USP4: variants seen among roughly 807,000 people sequenced by gnomAD.
USP4 encodes ubiquitin carboxyl-terminal hydrolase 4.
USP4 carries 72 observed loss-of-function variants against 118.2 expected under a neutral mutation model. The ratio of observed to expected loss-of-function variants is 0.61; its 90% CI spans 0.50 to 0.74. The LOEUF (loss-of-function observed/expected upper bound fraction) is 0.74, where lower values mean the gene tolerates loss of function less well. Among genes scored for constraint, USP4 ranks in the 30% least tolerant of loss-of-function variants. USP4 has a pLI of 0.00. For missense variants in USP4, 1,037 were observed against 1,185.7 expected, an observed-to-expected ratio of 0.87 and a Z score of 1.84; for synonymous variants, 415 against 440.4, an observed-to-expected ratio of 0.94 and a Z score of 0.72.
chr3:49,312,047 C>T (rs2047388108), intron 6 of USP4: 1 of 271,174 alleles, frequency 3.7e-6, no homozygotes, highest in Non-Finnish European at 6.2e-6. Context: ...AGCCAGGTCG[C>T]GCGTGGTGGC....
intron 21 of USP4, 124 bp from the exon 22 acceptor site, chr3:49,278,575 C>A: frequency 8.2e-7 from 1 of 1,223,312 alleles, no homozygotes; most frequent in Non-Finnish European, 1.1e-6. Context: ...GACCCTTCCA[C>A]CTGAGGATGG....
chr3:49,294,290 A>G (rs750823923), intron 14 of USP4, 117 bp downstream of exon 14: 18 of 1,188,108 alleles, frequency 1.5e-5, no homozygotes, highest in African/African-American at 7.7e-5. Flanking sequence ...CGGCAAATGC[A>G]TTTCTTACAG....
intron 11 of USP4, among the ~76,000 whole-genome samples, chr3:49,299,881 C>G (rs2047247615): frequency 6.6e-6 from 1 of 152,126 alleles, no homozygotes; most frequent in Admixed American, 6.6e-5. Context: ...GCTTCTGGTT[C>G]CCCAACATTC....
At chr3:49,296,476 T>C (rs1171209087) in intron 13 of USP4, among the ~76,000 whole-genome samples, 1 of 151,280 alleles carries the variant, frequency 6.6e-6, no homozygotes, top group African/African-American at 2.4e-5. Flanking sequence ...GGTGAAGCCC[T>C]GGCTCTACTA....
chr3:49,295,403 T>C (rs1189768291), intron 13 of USP4, among the ~76,000 whole-genome samples: 2 of 148,394 alleles, frequency 1.3e-5, no homozygotes, highest in Non-Finnish European at 3.0e-5. Context: ...TTTTTCCAAA[T>C]GAGCAAGCAA....
chr3:49,305,312 T>G (rs1340280250), intron 9 of USP4, among the ~76,000 whole-genome samples: 1 of 146,976 alleles, frequency 6.8e-6, no homozygotes, highest in African/African-American at 2.5e-5. Flanking sequence ...TCTCCTGACC[T>G]TGTGATCCGC....
At chr3:49,279,849 A>T (rs1196612973) in intron 20 of USP4, among the ~76,000 whole-genome samples, 1 of 152,194 alleles carries the variant, frequency 6.6e-6, no homozygotes, top group East Asian at 1.9e-4. Flanking sequence ...TTCAATTTTG[A>T]AGTTCCAACT....
intron 6 of USP4, chr3:49,318,356 A>C: frequency 1.0e-6 from 1 of 985,560 alleles, no homozygotes; most frequent in Non-Finnish European, 1.2e-6. Flanking sequence ...CACCATCTGT[A>C]GGCAAAGGTG....
chr3:49,311,127 C>T (rs192651584), intron 7 of USP4, among the ~76,000 whole-genome samples: 255 of 152,230 alleles, frequency 1.7e-3, no homozygotes, highest in Admixed American at 4.1e-3. Flanking sequence ...CTCTTCCCCA[C>T]ATCTATGCCA....
In USP4 at chr3:49,286,195, G is replaced by T. The variant is rs754912818; in HGVS notation, c.2103C>A (p.Pro701=). Residue 701 remains proline (P), a synonymous_variant, in exon 16 of 22, where the codon CCC becomes CCA. Transcript: ENST00000265560. ...ETTQKKIKGQ[P]CPKRLFTFSL... ...TGAAGGTAAAAAGCCTTTTTGGGCAGGGCTGGCCTTTGATCTTCTTTTGGG... is the reference window on the plus strand; with the variant it reads ...TGAAGGTAAAAAGCCTTTTTGGGCATGGCTGGCCTTTGATCTTCTTTTGGG... 6.2e-7 allele frequency: 1 copy of T among 1,614,138 alleles called. No individual in the cohort carries two copies. The highest frequency in any genetic ancestry group is 8.5e-7 in the Non-Finnish European group (1 of 1,180,036).
intron 3 of USP4, among the ~76,000 whole-genome samples, chr3:49,326,490 G>A (rs2047556824): frequency 6.6e-6 from 1 of 152,026 alleles, no homozygotes; most frequent in Admixed American, 6.6e-5. Context: ...TGCACCTCCT[G>A]GGTTCAAGAG....
intron 17 of USP4, 34 bp from the exon 18 acceptor site, chr3:49,284,618 A>G (rs1412180584): frequency 6.3e-7 from 1 of 1,586,412 alleles, no homozygotes; most frequent in Non-Finnish European, 8.7e-7. Context: ...TCTGCTGGAG[A>G]AAGAGATCTT....
chr3:49,308,685 C>T (rs1428677823), intron 8 of USP4, among the ~76,000 whole-genome samples: 3 of 151,744 alleles, frequency 2.0e-5, no homozygotes, highest in Admixed American at 6.6e-5. Flanking sequence ...CGTGAGCTTC[C>T]ATAGTTTGCA....
chr3:49,339,406 T>G (rs1463538531), intron 1 of USP4, among the ~76,000 whole-genome samples: 2 of 152,192 alleles, frequency 1.3e-5, no homozygotes, highest in African/African-American at 2.4e-5. Context: ...GCCGCAAATA[T>G]TTTTGACACT....
rs544412000 is a variant in USP4 at position 49,285,950 on chromosome 3, G to A, written c.2200+148C>T. On this transcript the variant is annotated intron_variant, in intron 16 of 21. Coordinates refer to ENST00000265560, the MANE Select transcript of USP4 (RefSeq NM_003363.4). ...AGGGGGATCTCTGAAACAGTCCTTA[G>A]GGGGCTTCAAGCCAAGGGTCATACA... The A allele has an allele frequency of 8.7e-5, 62 of 712,562 alleles. No homozygotes were observed. In the African/African-American group the frequency reaches 9.5e-4, roughly 11 times the overall value. The allele number at this position is 712,562 out of a possible 1,614,324, so 44.1% of individuals were successfully genotyped here.
intron 21 of USP4, 87 bp from the exon 22 acceptor site, chr3:49,278,538 A>G: frequency 6.7e-7 from 1 of 1,492,526 alleles, no homozygotes; most frequent in Non-Finnish European, 9.1e-7. Context: ...CAAAACCCTC[A>G]AGGATCTGCC....
intron 6 of USP4, among the ~76,000 whole-genome samples, chr3:49,314,549 A>G (rs540464609): frequency 1.3e-5 from 2 of 152,338 alleles, no homozygotes; most frequent in South Asian, 4.1e-4. Context: ...ATGCATAAAG[A>G]AAGTCTGCTG....
At chr3:49,329,560 C>T (rs2047591895) in intron 2 of USP4, among the ~76,000 whole-genome samples, 1 of 152,114 alleles carries the variant, frequency 6.6e-6, no homozygotes, top group Non-Finnish European at 1.5e-5. Flanking sequence ...GCCACCAGGC[C>T]TAGCTAATTT....
rs757714627 is a variant in USP4 at position 49,278,344 on chromosome 3, G to A, written c.2841C>T (p.Ser947=). The A allele has an allele frequency of 1.2e-6, 2 of 1,614,136 alleles. No individual in the cohort carries two copies. The highest frequency in any genetic ancestry group is 8.5e-7 in the Non-Finnish European group (1 of 1,180,034). The change falls in exon 22 of 22, where the codon AGC becomes AGT. Residue 947 remains serine, a synonymous_variant. Coordinates refer to ENST00000265560, the MANE Select transcript of USP4 (RefSeq NM_003363.4). ...GSSDGGTRPS[S]SQQGFGDDEA... ...CATCATCCCCAAAGCCCTGCTGAGA[G>A]CTGCTTGGTCGTGTCCCTCCATCAG...
Sources: gnomAD v4.1 joint callset for allele counts (sites outside exome capture counted in the v4.1 genomes callset) on GRCh38, gnomAD v4.1.1 for gene constraint, MANE v1.5 for transcripts, NCBI Gene and HGNC (gene_info 2026-07-23, HGNC 2026-07-21) for gene names.